RFX3: variants seen among roughly 807,000 people sequenced by gnomAD.
RFX3 encodes regulatory factor X3, also known as transcription factor RFX3.
A neutral mutation model predicts 98.6 loss-of-function variants in RFX3; 14 were observed. The ratio of observed to expected loss-of-function variants is 0.14; its 90% CI spans 0.09 to 0.22. RFX3 has a LOEUF of 0.22. Ranked by LOEUF, RFX3 falls within the 10% of genes least tolerant of loss-of-function variation. The probability of loss-of-function intolerance (pLI) is 1.00; values close to 1 mark genes in which losing one functional copy is unlikely to be tolerated. For synonymous variants in RFX3, 383 were observed against 328.4 expected, an observed-to-expected ratio of 1.17 and a Z score of -1.80; for missense variants, 639 against 926.9, an observed-to-expected ratio of 0.69 and a Z score of 4.03.
At chr9:3,410,757 C>A (rs772244287) in intron 1 of RFX3, among the ~76,000 whole-genome samples, 1 of 152,322 alleles carries the variant, frequency 6.6e-6, no homozygotes, top group East Asian at 1.9e-4. Context: ...CCAATTACCT[C>A]TTTACATATT....
intron 13 of RFX3, among the ~76,000 whole-genome samples, chr9:3,259,382 T>C (rs551804452): frequency 6.6e-6 from 1 of 152,142 alleles, no homozygotes; most frequent in African/African-American, 2.4e-5. Flanking sequence ...TTCATTTTAC[T>C]ACTCTCTAAA....
chr9:3,513,275 AT>A (rs940482824), intron 1 of RFX3, among the ~76,000 whole-genome samples: 6 of 152,186 alleles, frequency 3.9e-5, no homozygotes, highest in African/African-American at 1.4e-4. Context: ...TAGCAGTGAT[AT>A]TATTACTAGA....
At chr9:3,421,796 T>C (rs190274620) in intron 1 of RFX3, among the ~76,000 whole-genome samples, 56 of 152,272 alleles carry the variant, frequency 3.7e-4, no homozygotes, top group Non-Finnish European at 5.9e-4. Context: ...TCTAATATAT[T>C]TTCTTTCTCT....
intron 2 of RFX3, among the ~76,000 whole-genome samples, chr9:3,369,385 T>C (rs1051368831): frequency 5.9e-5 from 9 of 152,214 alleles, no homozygotes; most frequent in African/African-American, 2.2e-4. Flanking sequence ...TCCATCCTCA[T>C]AACCTAATCA....
At chr9:3,478,650 G>A (rs1849478402) in intron 1 of RFX3, among the ~76,000 whole-genome samples, 1 of 152,144 alleles carries the variant, frequency 6.6e-6, no homozygotes, top group African/African-American at 2.4e-5. Context: ...AGTGCCTCAA[G>A]ATCAGTCAGA....
At chr9:3,506,401 T>G (rs571951305) in intron 1 of RFX3, among the ~76,000 whole-genome samples, 1 of 151,898 alleles carries the variant, frequency 6.6e-6, no homozygotes. Context: ...GTCCTGATCC[T>G]CTACTTTTGA....
chr9:3,334,078 T>C (rs916092595), intron 3 of RFX3, among the ~76,000 whole-genome samples: 2 of 152,182 alleles, frequency 1.3e-5, no homozygotes, highest in African/African-American at 4.8e-5. Context: ...TTAATGTATA[T>C]TCTCAACCAT....
chr9:3,351,253 C>T (rs1384424392), intron 2 of RFX3, among the ~76,000 whole-genome samples: 3 of 151,772 alleles, frequency 2.0e-5, no homozygotes, highest in African/African-American at 7.3e-5. Context: ...ACTAAAGGTG[C>T]TTTAGAAAAA....
At chr9:3,496,596 C>T (rs1023542149) in intron 1 of RFX3, among the ~76,000 whole-genome samples, 1 of 151,950 alleles carries the variant, frequency 6.6e-6, no homozygotes, top group African/African-American at 2.4e-5. Flanking sequence ...TCTGTACTAT[C>T]ACGTTAAGCT....
At chr9:3,268,815 G>T (rs1328184696) in intron 11 of RFX3, among the ~76,000 whole-genome samples, 1 of 151,918 alleles carries the variant, frequency 6.6e-6, no homozygotes, top group Admixed American at 6.6e-5. Context: ...AGAAGCAAAA[G>T]ATTTTAGAAC....
chr9:3,359,242 G>A (rs377659765), intron 2 of RFX3, among the ~76,000 whole-genome samples: 5 of 152,184 alleles, frequency 3.3e-5, no homozygotes, highest in East Asian at 3.9e-4. Flanking sequence ...CCAAAAAAGC[G>A]AAAGTATCTT....
At chr9:3,273,864 C>CAAAA (rs34744889) in intron 9 of RFX3, among the ~76,000 whole-genome samples, 39 of 69,526 alleles carry the variant, frequency 5.6e-4, no homozygotes, top group African/African-American at 1.5e-3. Flanking sequence ...GACTCTGTCT[C>CAAAA]AAAAAAAAAA....
intron 1 of RFX3, among the ~76,000 whole-genome samples, chr9:3,470,760 A>T (rs985012160): frequency 4.6e-5 from 7 of 152,224 alleles, no homozygotes; most frequent in Non-Finnish European, 1.0e-4. Context: ...GATGCTGGTG[A>T]GATGTTATCA....
chr9:3,332,425 T>A (rs754782804), intron 3 of RFX3, among the ~76,000 whole-genome samples: 2 of 152,220 alleles, frequency 1.3e-5, no homozygotes, highest in Non-Finnish European at 2.9e-5. Flanking sequence ...AAGATGTCAC[T>A]ATCTTATGTT....
rs528851394 is a variant in RFX3, at chr9:3,329,872, G to C, written c.474+387C>G. On this transcript the variant is annotated intron_variant, in intron 4 of 16. Transcript: ENST00000617270. ...TTGTTGAAAGATGTGAAAATTCCAA[G>C]CTAAATTATATTTTATTCTCTGTAT... Among the ~76,000 whole-genome samples, 3 of 152,194 alleles carry C rather than the reference G, an allele frequency of 2.0e-5. No homozygotes were observed. The South Asian group carries it at 6.2e-4, about 32-fold the overall frequency.
intron 4 of RFX3, among the ~76,000 whole-genome samples, chr9:3,309,917 C>A (rs1193300261): frequency 6.6e-6 from 1 of 152,052 alleles, no homozygotes; most frequent in Non-Finnish European, 1.5e-5. Flanking sequence ...ACGGAATGAT[C>A]CCAGACCTGG....
intron 1 of RFX3, among the ~76,000 whole-genome samples, chr9:3,519,522 G>A (rs1818496337): frequency 6.6e-6 from 1 of 152,162 alleles, no homozygotes; most frequent in African/African-American, 2.4e-5. Flanking sequence ...CACATATTGT[G>A]TCAAATACTG....
At chr9:3,472,842 C>A (rs910237753) in intron 1 of RFX3, among the ~76,000 whole-genome samples, 7 of 152,124 alleles carry the variant, frequency 4.6e-5, no homozygotes, top group Non-Finnish European at 8.8e-5. Flanking sequence ...TGTTCCTATG[C>A]AATAGTTATT....
At chr9:3,263,914 G>C (rs562458369) in intron 12 of RFX3, among the ~76,000 whole-genome samples, 2 of 152,268 alleles carry the variant, frequency 1.3e-5, no homozygotes, top group Admixed American at 1.3e-4. Context: ...CTGCCTGTTA[G>C]AGCGGAACCT....
Sources: gnomAD v4.1 joint callset for allele counts (sites outside exome capture counted in the v4.1 genomes callset) on GRCh38, gnomAD v4.1.1 for gene constraint, MANE v1.5 for transcripts, NCBI Gene and HGNC (gene_info 2026-07-23, HGNC 2026-07-21) for gene names.